Variants in RRAS2 observed in about 807,000 individuals in gnomAD.
The protein encoded by RRAS2 is ras-related protein R-Ras2.
Under a neutral mutation model 27.6 loss-of-function variants are expected in RRAS2, and 7 were observed. The observed-to-expected ratio is 0.25, with a 90% CI of 0.14 to 0.48. RRAS2 has a LOEUF of 0.48. Among genes scored for constraint, RRAS2 ranks in the 20% least tolerant of loss-of-function variants. The pLI, the probability that RRAS2 is intolerant of heterozygous loss-of-function variation, is 0.99. For synonymous variants in RRAS2, 86 were observed against 90.9 expected, an observed-to-expected ratio of 0.95 and a Z score of 0.31; for missense variants, 178 against 256.2, an observed-to-expected ratio of 0.69 and a Z score of 2.08.
chr11:14,302,001 A>G (rs1227421123), intron 1 of RRAS2, among the ~76,000 whole-genome samples: 1 of 151,450 alleles, frequency 6.6e-6, no homozygotes, highest in Admixed American at 6.6e-5. Flanking sequence ...ATAAATAAAT[A>G]AAATTCATAA....
intron 1 of RRAS2, among the ~76,000 whole-genome samples, chr11:14,347,653 C>T (rs149152010): frequency 1.7e-4 from 26 of 151,956 alleles, no homozygotes; most frequent in Non-Finnish European, 2.8e-4. Context: ...GACCTCGTCG[C>T]TACAAAAAAT....
chr11:14,286,745 G>C (rs1475545617), intron 4 of RRAS2, among the ~76,000 whole-genome samples: 1 of 152,154 alleles, frequency 6.6e-6, no homozygotes, highest in African/African-American at 2.4e-5. Context: ...CATAGCACTG[G>C]TATATCTAAG....
At chr11:14,363,491 G>A (rs568585394), upstream of RRAS2, among the ~76,000 whole-genome samples, 6 of 152,308 alleles carry the variant, frequency 3.9e-5, no homozygotes, top group South Asian at 2.1e-4. Context: ...AGTGATGGCC[G>A]GGCGCAGTGG....
rs1330888648 is a variant in RRAS2, at chr11:14,358,436, G to T, written c.108+327C>A. Reference sequence around the variant, plus strand: ...CGGACCCTCGGAGCAGTAAAGCCCGGCTCGGTGGCCCAGCCTCTCCCGGAG... The same window carrying T: ...CGGACCCTCGGAGCAGTAAAGCCCGTCTCGGTGGCCCAGCCTCTCCCGGAG... On this transcript the variant is annotated intron_variant, in intron 1 of 5. Coordinates refer to ENST00000256196, the MANE Select transcript of RRAS2 (RefSeq NM_012250.6). The surrounding 1 kb of genome is among the most constrained non-coding windows in gnomAD (Gnocchi z 5.1). 1.8e-4 allele frequency: 178 copies of T among 985,384 alleles called. No individual in the cohort carries two copies. Among genetic ancestry groups the T allele is most frequent in the Non-Finnish European group, 2.1e-4 (171 of 830,040 alleles). The allele number at this position is 985,384 out of a possible 1,614,324, so 61.0% of individuals were successfully genotyped here.
intron 4 of RRAS2, among the ~76,000 whole-genome samples, chr11:14,294,183 A>C (rs1369843197): frequency 6.6e-6 from 1 of 152,206 alleles, no homozygotes; most frequent in African/African-American, 2.4e-5. Context: ...AAATTATTAC[A>C]TGCGAATAAA....
chr11:14,291,688 A>T (rs982990115), intron 4 of RRAS2, among the ~76,000 whole-genome samples: 1 of 146,778 alleles, frequency 6.8e-6, no homozygotes, highest in African/African-American at 2.5e-5. Context: ...TACAAAAAGT[A>T]AAAAAAAAAA....
intron 1 of RRAS2, chr11:14,364,265 G>A: frequency 2.3e-6 from 2 of 878,956 alleles, no homozygotes; most frequent in South Asian, 1.4e-5. Context: ...AGGATCTGAG[G>A]GTAGAGTGGA....
chr11:14,330,415 G>C (rs1178365477), intron 1 of RRAS2, among the ~76,000 whole-genome samples: 4 of 152,142 alleles, frequency 2.6e-5, no homozygotes, highest in Non-Finnish European at 4.4e-5. Context: ...AGGAGGCTGA[G>C]GTAGGAAGAT....
chr11:14,359,162 G>A lies in RRAS2; in HGVS notation c.-292C>T. ...CAGCGCCTGCCGAACGCAGCCTCCAGCGCCGCCACAAATGGCCGTCTGGGG... is the reference window on the plus strand; with the variant it reads ...CAGCGCCTGCCGAACGCAGCCTCCAACGCCGCCACAAATGGCCGTCTGGGG... On this transcript the variant is annotated 5_prime_UTR_variant, in exon 1 of 6. Transcript: ENST00000256196. 3 of 1,012,358 alleles carry A rather than the reference G, an allele frequency of 3.0e-6. No individual in the cohort carries two copies. The highest frequency in any genetic ancestry group is 3.5e-6 in the Non-Finnish European group (3 of 848,312). The allele number at this position is 1,012,358 out of a possible 1,614,324, so 62.7% of individuals were successfully genotyped here. A position where few individuals can be genotyped will look rare whatever the true frequency, so the allele number is the denominator to read the frequency against.
chr11:14,312,926 G>A (rs1848009006), intron 1 of RRAS2, among the ~76,000 whole-genome samples: 1 of 152,166 alleles, frequency 6.6e-6, no homozygotes, highest in South Asian at 2.1e-4. Context: ...CAAACCACAT[G>A]CCTGGAGGCC....
At chr11:14,355,918 A>G (rs1849063611) in intron 1 of RRAS2, among the ~76,000 whole-genome samples, 1 of 152,234 alleles carries the variant, frequency 6.6e-6, no homozygotes, top group African/African-American at 2.4e-5. Flanking sequence ...GGCAATGAAT[A>G]GCTACCCTAT....
At chr11:14,339,302 G>A (rs1253534573) in intron 1 of RRAS2, among the ~76,000 whole-genome samples, 2 of 126,460 alleles carry the variant, frequency 1.6e-5, no homozygotes, top group Admixed American at 8.1e-5. Flanking sequence ...AAGGGGGGGG[G>A]GGGAAGAAAA....
intron 1 of RRAS2, among the ~76,000 whole-genome samples, chr11:14,298,266 GCTACACTGTCC>G (rs1443869639): frequency 6.6e-6 from 1 of 152,162 alleles, no homozygotes. Flanking sequence ...GCCTAAAAGT[GCTACACTGTCC>G]CTACTGATTT....
Position 14,358,751 on chromosome 11 carries a change from C to G in RRAS2, c.108+12G>C, listed in dbSNP as rs782133096. 6 of 1,394,046 alleles carry G rather than the reference C, an allele frequency of 4.3e-6. No individual in the cohort carries two copies. Among genetic ancestry groups the G allele is most frequent in the Non-Finnish European group, 4.7e-6 (5 of 1,060,276 alleles). 86.4% of individuals were successfully genotyped at this position (1,394,046 alleles called of 1,614,324 possible). ...GCCGCTCCGGCGCCCCGGGCAGGCC[C>G]GCTCCAGGTACCTGGATGAACTGGA... On this transcript the variant is annotated intron_variant, in intron 1 of 5. Coordinates refer to ENST00000256196, the MANE Select transcript of RRAS2 (RefSeq NM_012250.6). The surrounding 1 kb of genome is among the most constrained non-coding windows in gnomAD (Gnocchi z 5.1).
intron 1 of RRAS2, among the ~76,000 whole-genome samples, chr11:14,333,985 G>A (rs1203503008): frequency 3.9e-5 from 6 of 152,126 alleles, no homozygotes; most frequent in Non-Finnish European, 7.4e-5. Context: ...TAATTTTAAT[G>A]ACATGGACCA....
At chr11:14,286,447 C>G (rs1394832850) in intron 4 of RRAS2, among the ~76,000 whole-genome samples, 1 of 152,200 alleles carries the variant, frequency 6.6e-6, no homozygotes, top group Non-Finnish European at 1.5e-5. Context: ...TGCCCCACTA[C>G]TGGGACAAAA....
chr11:14,359,707 T>C (rs1003067019), upstream of RRAS2, among the ~76,000 whole-genome samples: 5 of 152,202 alleles, frequency 3.3e-5, no homozygotes, highest in Admixed American at 1.3e-4. Context: ...ACAGATTTTG[T>C]ATGTGTCAGT....
chr11:14,315,098 T>G (rs1848067612), intron 1 of RRAS2, among the ~76,000 whole-genome samples: 1 of 152,206 alleles, frequency 6.6e-6, no homozygotes, highest in African/African-American at 2.4e-5. Flanking sequence ...TATTTAAATG[T>G]TTATTCAAAA....
intron 1 of RRAS2, among the ~76,000 whole-genome samples, chr11:14,303,696 G>A (rs188182683): frequency 6.6e-6 from 1 of 152,288 alleles, no homozygotes; most frequent in Non-Finnish European, 1.5e-5. Context: ...CCTTGGTGGA[G>A]CTGAGAAGTC....
Sources: gnomAD v4.1 joint callset for allele counts (sites outside exome capture counted in the v4.1 genomes callset) on GRCh38, gnomAD v4.1.1 for gene constraint, Gnocchi (gnomAD v3.1) non-coding constraint, MANE v1.5 for transcripts, NCBI Gene and HGNC (gene_info 2026-07-23, HGNC 2026-07-21) for gene names.